Variants in PXDN observed in about 807,000 individuals in gnomAD.
PXDN encodes peroxidasin.
A neutral mutation model predicts 140.3 loss-of-function variants in PXDN; 77 were observed. That is an observed-to-expected ratio of 0.55 (90% CI 0.46 to 0.66). The LOEUF is 0.66. Among genes scored for constraint, PXDN ranks in the 30% least tolerant of loss-of-function variants. PXDN has a pLI of 0.00. For missense variants in PXDN, 1,838 were observed against 2,039.5 expected (o/e 0.90, Z 1.90); for synonymous variants, 911 against 857.4 (o/e 1.06, Z -1.09).
At chr2:1,678,724 G>A (rs892292435) in intron 7 of PXDN, among the ~76,000 whole-genome samples, 2 of 152,326 alleles carry the variant, frequency 1.3e-5, no homozygotes, top group East Asian at 3.9e-4. Context: ...AGCACCGAGG[G>A]CCCTCCCTTC....
At chr2:1,736,821 T>C (rs1005362675) in intron 1 of PXDN, among the ~76,000 whole-genome samples, 10 of 152,218 alleles carry the variant, frequency 6.6e-5, no homozygotes, top group Admixed American at 2.0e-4. Flanking sequence ...TTTAAGTATG[T>C]GCCCTTTTAA....
At chr2:1,641,498 A>T (rs1370606464) in intron 19 of PXDN, among the ~76,000 whole-genome samples, 1 of 152,196 alleles carries the variant, frequency 6.6e-6, no homozygotes, top group African/African-American at 2.4e-5. Flanking sequence ...AGCAATTGAC[A>T]TTTGGTTCTG....
At position 1,660,107 on chromosome 2, in the gene PXDN, T is replaced by G. The variant is rs1340637698; in HGVS notation, c.1837+774A>C. ...GCAGGAGTGGGGAACACACCACTGA[T>G]GAGGCGCAGGTTTGGGTCACACTGT... On this transcript the variant is annotated intron_variant, in intron 14 of 22. Coordinates refer to ENST00000252804, the MANE Select transcript of PXDN (RefSeq NM_012293.3). This position sits in a 1 kb window ranked among gnomAD's most constrained non-coding sequence, Gnocchi z 4.6. Among the ~76,000 whole-genome samples, 1 of 152,112 alleles carries G rather than the reference T, an allele frequency of 6.6e-6. No individual in the cohort carries two copies. Among genetic ancestry groups the G allele is most frequent in the Non-Finnish European group, 1.5e-5 (1 of 68,028 alleles).
intron 1 of PXDN, among the ~76,000 whole-genome samples, chr2:1,720,008 G>A (rs1193548857): frequency 1.3e-4 from 6 of 44,774 alleles, no homozygotes; most frequent in Non-Finnish European, 2.6e-4. Flanking sequence ...GGGAGGGGAG[G>A]GATGTAGAGA....
intron 1 of PXDN, among the ~76,000 whole-genome samples, chr2:1,731,434 G>C (rs1362111226): frequency 6.6e-6 from 1 of 152,192 alleles, no homozygotes; most frequent in South Asian, 2.1e-4. Context: ...CAGCGCATCA[G>C]CTCCGAGCAG....
At chr2:1,723,258 TAG>T (rs1051808073) in intron 1 of PXDN, among the ~76,000 whole-genome samples, 2 of 151,976 alleles carry the variant, frequency 1.3e-5, no homozygotes, top group African/African-American at 4.8e-5. Flanking sequence ...AATGAACAGA[TAG>T]ATGGACTAAT....
rs141332399 is a variant in PXDN at position 1,739,221 on chromosome 2, C to T, written c.200+5035G>A. Among the ~76,000 whole-genome samples, 62 of 152,292 alleles carry T rather than the reference C, an allele frequency of 4.1e-4. No homozygotes were observed. The East Asian group carries it at 9.7e-3, about 24-fold the overall frequency. The stretch of plus-strand genomic sequence containing the variant: ...AAACTTCTGCTTGTGCACTGAGTCA[C>T]GCATTCTCTTTTCACCGGACTTAGC... On this transcript the variant is annotated intron_variant, in intron 1 of 22. Transcript: ENST00000252804.
At chr2:1,655,933 C>A (rs961018434) in intron 14 of PXDN, among the ~76,000 whole-genome samples, 3 of 151,898 alleles carry the variant, frequency 2.0e-5, no homozygotes, top group South Asian at 2.1e-4. Flanking sequence ...CACATACACA[C>A]CACACAAATA....
At chr2:1,675,791 T>A (rs369894528) in intron 8 of PXDN, among the ~76,000 whole-genome samples, 21 of 100,286 alleles carry the variant, frequency 2.1e-4, no homozygotes, top group African/African-American at 2.1e-4. Flanking sequence ...TCATCACAGT[T>A]TGAGCCCGAG....
At chr2:1,709,779 G>A (rs1248142578) in intron 1 of PXDN, among the ~76,000 whole-genome samples, 2 of 152,210 alleles carry the variant, frequency 1.3e-5, no homozygotes, top group African/African-American at 2.4e-5. Context: ...CTTCTAGGAA[G>A]AGGAAGCAAC....
Position 1,744,351 on chromosome 2 carries a change from C to A in PXDN, c.105G>T (p.Gly35=). Residue 35 remains glycine, a synonymous_variant, in exon 1 of 23, where the codon GGG becomes GGT. Transcript: ENST00000252804. ...LAVVAQKPGA[G]CPSRCLCFRT... is the part of the protein sequence containing the mutation. ...GGAAGCACAGGCAGCGGCTCGGACACCCTGCGCCCGGCTTCTGGGCCACCA... is the reference window on the plus strand; with the variant it reads ...GGAAGCACAGGCAGCGGCTCGGACAACCTGCGCCCGGCTTCTGGGCCACCA... 6.5e-7 allele frequency: 1 copy of A among 1,527,522 alleles called. No homozygotes were observed. The highest frequency in any genetic ancestry group is 8.7e-7 in the Non-Finnish European group (1 of 1,143,670). The allele number at this position is 1,527,522 out of a possible 1,614,324, so 94.6% of individuals were successfully genotyped here.
intron 3 of PXDN, among the ~76,000 whole-genome samples, chr2:1,691,134 T>C (rs1236791908): frequency 6.6e-6 from 1 of 152,138 alleles, no homozygotes; most frequent in African/African-American, 2.4e-5. Flanking sequence ...CTTAAACATG[T>C]TTAGGTTCAC....
chr2:1,733,466 G>A (rs1464550857), intron 1 of PXDN, among the ~76,000 whole-genome samples: 9 of 152,158 alleles, frequency 5.9e-5, no homozygotes, highest in South Asian at 4.1e-4. Context: ...TCGGCTGGGC[G>A]CAGTGCGGCT....
Position 1,714,901 on chromosome 2 carries a change from A to T in PXDN, c.201-21767T>A, listed in dbSNP as rs1684860778. 6.6e-6 allele frequency among the ~76,000 whole-genome samples: 1 copy of T among 151,954 alleles called. No homozygotes were observed. Among genetic ancestry groups the T allele is most frequent in the Admixed American group, 6.6e-5 (1 of 15,266 alleles). ...CCTGGCCTGGCGCCCTGTCTTGCTC[A>T]CCCTGTCCCAGATTAACCTATGTCT... On this transcript the variant is annotated intron_variant, in intron 1 of 22. Transcript: ENST00000252804. The surrounding 1 kb of genome is among the most constrained non-coding windows in gnomAD (Gnocchi z 4.3).
intron 1 of PXDN, among the ~76,000 whole-genome samples, chr2:1,726,329 C>CA: frequency 6.8e-6 from 1 of 147,634 alleles, no homozygotes; most frequent in Non-Finnish European, 1.5e-5. Flanking sequence ...ATCGCAAGAA[C>CA]AAAAAACCAA....
At chr2:1,638,219 C>T (rs12714333) in intron 21 of PXDN, among the ~76,000 whole-genome samples, 129,835 of 152,166 alleles carry the variant, frequency 0.85, 56,216 homozygotes, top group East Asian at 1. Flanking sequence ...GCACTTCCTT[C>T]TATTTAGCCA....
At chr2:1,741,071 G>A (rs1317351018) in intron 1 of PXDN, among the ~76,000 whole-genome samples, 4 of 152,092 alleles carry the variant, frequency 2.6e-5, no homozygotes, top group East Asian at 1.9e-4. Context: ...AGCCTCAACC[G>A]TGGCGGCTCC....
chr2:1,680,192 C>A lies in PXDN; in HGVS notation c.730+1G>T, dbSNP rs1312443933. The stretch of plus-strand genomic sequence containing the variant: ...TGGTGTGTGCGTGTCGGGCCACTCA[C>A]CACAGTTCAGCTCTTCCGGGGTGAT... On this transcript the variant is annotated splice_donor_variant, in intron 7 of 22. Transcript: ENST00000252804. LOFTEE classifies it high-confidence loss of function. 2 of 1,562,136 alleles carry A rather than the reference C, an allele frequency of 1.3e-6. No individual in the cohort carries two copies. The highest frequency in any genetic ancestry group is 1.7e-6 in the Non-Finnish European group (2 of 1,152,848).
At chr2:1,657,786 C>T (rs1683181118) in intron 14 of PXDN, among the ~76,000 whole-genome samples, 1 of 145,330 alleles carries the variant, frequency 6.9e-6, no homozygotes, top group Admixed American at 6.8e-5. Flanking sequence ...CAGGAACCTG[C>T]CCCCTGTTGT....
Sources: allele counts gnomAD v4.1 joint callset (sites outside exome capture counted in the v4.1 genomes callset), GRCh38; gene constraint gnomAD v4.1.1; non-coding constraint Gnocchi (gnomAD v3.1); transcripts MANE v1.5; gene names NCBI Gene and HGNC (gene_info 2026-07-23, HGNC 2026-07-21).